RXRA: variants seen among roughly 807,000 people sequenced by gnomAD.
The protein encoded by RXRA is retinoid X receptor alpha.
A neutral mutation model predicts 44.5 loss-of-function variants in RXRA; 5 were observed. The observed-to-expected ratio is 0.11, with a 90% CI of 0.06 to 0.24. RXRA has a LOEUF of 0.24. RXRA is among the 10% of genes least tolerant of loss of function. The pLI, the probability that RXRA is intolerant of heterozygous loss-of-function variation, is 1.00. For synonymous variants in RXRA, 291 were observed against 271.4 expected (o/e 1.07, Z -0.71); for missense variants, 412 against 646.5 (o/e 0.64, Z 3.93).
chr9:134,334,854 G>C (rs1829971459), intron 1 of RXRA, among the ~76,000 whole-genome samples: 3 of 152,220 alleles, frequency 2.0e-5, no homozygotes, highest in South Asian at 4.1e-4. Flanking sequence ...CGTGGGCTCT[G>C]AGCTAGCCAG....
chr9:134,408,657 G>A (rs1564289023), intron 3 of RXRA, among the ~76,000 whole-genome samples: 1 of 152,378 alleles, frequency 6.6e-6, no homozygotes, highest in African/African-American at 2.4e-5. Flanking sequence ...AACGGCCTGA[G>A]AGGGAAGAAC....
intron 1 of RXRA, among the ~76,000 whole-genome samples, chr9:134,332,960 G>A (rs925204884): frequency 1.3e-5 from 2 of 152,146 alleles, no homozygotes; most frequent in East Asian, 3.9e-4. Flanking sequence ...GCTGGCCTGG[G>A]GGTCGTCTTT....
chr9:134,386,081 C>T (rs559759994), intron 1 of RXRA, among the ~76,000 whole-genome samples: 6 of 152,344 alleles, frequency 3.9e-5, no homozygotes, highest in Non-Finnish European at 5.9e-5. Context: ...GGTGGGGGAC[C>T]GGGCGGCTCT....
chr9:134,364,126 A>G (rs1830386342), intron 1 of RXRA, among the ~76,000 whole-genome samples: 1 of 152,106 alleles, frequency 6.6e-6, no homozygotes, highest in East Asian at 1.9e-4. Flanking sequence ...CACAACCGTG[A>G]TGTTGCCCAT....
rs1427279286 is a variant in RXRA, at chr9:134,349,228, C to T, written c.28+22569C>T. On this transcript the variant is annotated intron_variant, in intron 1 of 9. Transcript: ENST00000481739. This position sits in a 1 kb window ranked among gnomAD's most constrained non-coding sequence, Gnocchi z 4.3. ...TGCAGACCCCAACTCCCTGCACCAG[C>T]CTGGCCCCGAGCTCCCACTTCCTCA... 6.6e-6 allele frequency among the ~76,000 whole-genome samples: 1 copy of T among 152,190 alleles called. No individual in the cohort carries two copies. The highest frequency in any genetic ancestry group is 1.5e-5 in the Non-Finnish European group (1 of 68,032).
intron 1 of RXRA, among the ~76,000 whole-genome samples, chr9:134,335,750 C>T (rs1405857128): frequency 2.0e-5 from 3 of 152,148 alleles, no homozygotes; most frequent in Non-Finnish European, 2.9e-5. Context: ...TACCGGCGCC[C>T]ATGTGCGGTA....
chr9:134,426,906 A>AGG lies in RXRA; in HGVS notation c.911-2200_911-2199dup. The AGG allele has an allele frequency of 3.0e-6, 3 of 985,182 alleles. No individual in the cohort carries two copies. The highest frequency in any genetic ancestry group is 3.6e-6 in the Non-Finnish European group (3 of 829,862). 61.0% of individuals were successfully genotyped at this position (985,182 alleles called of 1,614,324 possible). A position where few individuals can be genotyped will look rare whatever the true frequency, so the allele number is the denominator to read the frequency against. On this transcript the variant is annotated intron_variant, in intron 6 of 9. Coordinates refer to ENST00000481739, the MANE Select transcript of RXRA (RefSeq NM_002957.6). The surrounding 1 kb of genome is among the most constrained non-coding windows in gnomAD (Gnocchi z 4.6). ...CACACTGGGCCTGGTGTGGGAAGGGAGGGAGAGCCCTTTCCTAGGAGAGCA... is the reference window on the plus strand; with the variant it reads ...CACACTGGGCCTGGTGTGGGAAGGGAGGGGGAGAGCCCTTTCCTAGGAGAGCA...
At chr9:134,377,873 C>T (rs989866418) in intron 1 of RXRA, among the ~76,000 whole-genome samples, 5 of 152,202 alleles carry the variant, frequency 3.3e-5, no homozygotes, top group African/African-American at 7.2e-5. Flanking sequence ...GGGGACGTTG[C>T]GTGAGCTGAT....
intron 1 of RXRA, among the ~76,000 whole-genome samples, chr9:134,392,383 T>C (rs1187556257): frequency 6.6e-6 from 1 of 152,002 alleles, no homozygotes; most frequent in Non-Finnish European, 1.5e-5. Context: ...GCCTTGTGGC[T>C]GGAAAGCAGC....
chr9:134,431,181 G>A (rs914460884), intron 7 of RXRA, among the ~76,000 whole-genome samples: 2 of 152,258 alleles, frequency 1.3e-5, no homozygotes, highest in Non-Finnish European at 2.9e-5. Context: ...GGACACAGCA[G>A]TTGAGCTTTG....
intron 1 of RXRA, among the ~76,000 whole-genome samples, chr9:134,347,599 C>T (rs1395997618): frequency 6.6e-6 from 1 of 152,206 alleles, no homozygotes; most frequent in Non-Finnish European, 1.5e-5. Context: ...GGGCAGGTTC[C>T]AGGTATGCGG....
Position 134,433,606 on chromosome 9 carries a change from T to C in RXRA, c.1136-496T>C, listed in dbSNP as rs557103244. ...CTTAGCCTCTCTGTCCACTCTAGGC[T>C]CTTGAGCCCGGGTCCTGAGCTCAGG... On this transcript the variant is annotated intron_variant, in intron 8 of 9. Coordinates refer to ENST00000481739, the MANE Select transcript of RXRA (RefSeq NM_002957.6). The surrounding 1 kb of genome is among the most constrained non-coding windows in gnomAD (Gnocchi z 4.2). Among the ~76,000 whole-genome samples the C allele has an allele frequency of 2.0e-5, 3 of 152,110 alleles. No homozygotes were observed. The highest frequency in any genetic ancestry group is 1.3e-4 in the Admixed American group (2 of 15,288).
At chr9:134,331,292 A>G (rs1481754203) in intron 1 of RXRA, among the ~76,000 whole-genome samples, 1 of 152,258 alleles carries the variant, frequency 6.6e-6, no homozygotes, top group Admixed American at 6.5e-5. Flanking sequence ...ATTGCGCCCT[A>G]GAGTTACAAA....
intron 1 of RXRA, among the ~76,000 whole-genome samples, chr9:134,327,454 C>T (rs1223118630): frequency 2.0e-5 from 3 of 152,062 alleles, no homozygotes; most frequent in Non-Finnish European, 2.9e-5. Context: ...GGCTGGGGCC[C>T]CCACCCATTG....
chr9:134,393,587 A>G (rs1830831370), intron 1 of RXRA, among the ~76,000 whole-genome samples: 1 of 152,218 alleles, frequency 6.6e-6, no homozygotes, highest in South Asian at 2.1e-4. Context: ...ATCTGGTTGA[A>G]TGTAGCTGGG....
At chr9:134,419,517 C>T (rs1041727137) in intron 5 of RXRA, among the ~76,000 whole-genome samples, 18 of 152,176 alleles carry the variant, frequency 1.2e-4, no homozygotes, top group African/African-American at 4.3e-4. Flanking sequence ...CTTCCAGAAC[C>T]GCTCACTGGG....
At position 134,361,823 on chromosome 9, in the gene RXRA, G is replaced by A. The variant is rs62576327; in HGVS notation, c.28+35164G>A. Among the ~76,000 whole-genome samples the A allele has an allele frequency of 5.4e-3, 818 of 152,248 alleles. 5 individuals are homozygous for A. The highest frequency in any genetic ancestry group is 8.0e-3 in the Non-Finnish European group (541 of 67,992). ...GAACAGGGGCTCAGGGCCTGAGCAC[G>A]GTGGGTCTCCTTCTGGTCTGACCCA... On this transcript the variant is annotated intron_variant, in intron 1 of 9. Coordinates refer to ENST00000481739, the MANE Select transcript of RXRA (RefSeq NM_002957.6).
At chr9:134,392,693 G>A (rs1004399524) in intron 1 of RXRA, among the ~76,000 whole-genome samples, 2 of 152,318 alleles carry the variant, frequency 1.3e-5, no homozygotes, top group Non-Finnish European at 1.5e-5. Flanking sequence ...GGATGTGGGT[G>A]CTTCCTGGTA....
intron 1 of RXRA, 56 bp from the exon 2 acceptor site, chr9:134,401,576 G>A (rs1270616777): frequency 1.7e-5 from 27 of 1,604,668 alleles, no homozygotes; most frequent in Non-Finnish European, 2.1e-5. Context: ...GCAGGCATTT[G>A]GTGGGGCCTG....
Sources: gnomAD v4.1 joint callset for allele counts (sites outside exome capture counted in the v4.1 genomes callset) on GRCh38, gnomAD v4.1.1 for gene constraint, Gnocchi (gnomAD v3.1) non-coding constraint, MANE v1.5 for transcripts, NCBI Gene and HGNC (gene_info 2026-07-23, HGNC 2026-07-21) for gene names.